Variants in POLA1 observed in about 807,000 individuals in gnomAD.
POLA1 encodes DNA polymerase alpha 1, catalytic subunit.
In POLA1, 15 loss-of-function variants were observed where a neutral mutation model predicts 124.0. The observed-to-expected ratio is 0.12, with a 90% CI of 0.08 to 0.19. The LOEUF (loss-of-function observed/expected upper bound fraction) is 0.19, where lower values mean the gene tolerates loss of function less well. Ranked by LOEUF, POLA1 falls within the 10% of genes least tolerant of loss-of-function variation. POLA1 has a pLI of 1.00. For missense variants in POLA1, 886 were observed against 1,103.4 expected (o/e 0.80, Z 2.79); for synonymous variants, 408 against 389.4 (o/e 1.05, Z -0.56).
chrX:24,725,011 A>G (rs185203733), intron 12 of POLA1, among the ~76,000 whole-genome samples: 175 of 110,953 alleles, frequency 1.6e-3, no homozygotes, highest in Non-Finnish European at 2.0e-3. Context: ...GCTGAAGATA[A>G]GGCTAACAGT....
At chrX:24,811,062 G>A (rs770423463) in intron 28 of POLA1, among the ~76,000 whole-genome samples, 1 of 110,580 alleles carries the variant, frequency 9.0e-6, no homozygotes, top group Non-Finnish European at 1.9e-5. Context: ...TGATCCTCCC[G>A]CCTCAGCCTC....
At chrX:24,694,718 G>C (rs1327718330) in intron 1 of POLA1, among the ~76,000 whole-genome samples, 1 of 112,189 alleles carries the variant, frequency 8.9e-6, no homozygotes, top group African/African-American at 3.2e-5. Flanking sequence ...AGATTTGTCT[G>C]ATTTTTTAAG....
intron 36 of POLA1, among the ~76,000 whole-genome samples, chrX:24,986,729 C>CATAT (rs763067129): frequency 2.0e-4 from 22 of 107,370 alleles, no homozygotes; most frequent in African/African-American, 4.7e-4. Context: ...TGTCTCTTAA[C>CATAT]ATATATATAT....
At chrX:24,743,404 A>G in intron 23 of POLA1, 75 bp downstream of exon 23, 1 of 522,679 alleles carries the variant, frequency 1.9e-6, no homozygotes, top group Non-Finnish European at 3.2e-6. Flanking sequence ...TTGAGAAACT[A>G]GAAGACTGAA....
chrX:24,801,262 G>A (rs1295348768), intron 26 of POLA1, among the ~76,000 whole-genome samples: 1 of 112,228 alleles, frequency 8.9e-6, no homozygotes, highest in African/African-American at 3.2e-5. Context: ...TGTGTACTGT[G>A]TGTGGGCTTA....
chrX:24,765,937 T>C (rs1367968358), intron 26 of POLA1, among the ~76,000 whole-genome samples: 1 of 112,113 alleles, frequency 8.9e-6, no homozygotes. Flanking sequence ...ACTTAATTTA[T>C]GTGGATGGTA....
At chrX:24,783,659 A>T (rs948227518) in intron 26 of POLA1, among the ~76,000 whole-genome samples, 12 of 111,861 alleles carry the variant, frequency 1.1e-4, no homozygotes, top group African/African-American at 3.9e-4. Flanking sequence ...TTTTAAGCTA[A>T]TAAAAATACC....
At chrX:24,770,382 A>G (rs1298379116) in intron 26 of POLA1, among the ~76,000 whole-genome samples, 2 of 112,048 alleles carry the variant, frequency 1.8e-5, no homozygotes, top group Non-Finnish European at 3.8e-5. Flanking sequence ...TAGAGATTAC[A>G]GAATGATGCC....
chrX:24,951,337 C>A (rs2048038838), intron 36 of POLA1, among the ~76,000 whole-genome samples: 1 of 66,903 alleles, frequency 1.5e-5, no homozygotes, highest in Non-Finnish European at 2.7e-5. Flanking sequence ...CTTTAAACAC[C>A]TCCCTACCCC....
At chrX:24,995,608 C>G (rs973670250) in intron 36 of POLA1, among the ~76,000 whole-genome samples, 197 bp from the exon 37 acceptor site, 50 of 111,512 alleles carry the variant, frequency 4.5e-4, no homozygotes, top group African/African-American at 1.6e-3. Context: ...TGCTGAGAGG[C>G]GGACAGACAG....
intron 35 of POLA1, among the ~76,000 whole-genome samples, chrX:24,911,697 C>T (rs1276975754): frequency 9.0e-6 from 1 of 111,141 alleles, no homozygotes; most frequent in African/African-American, 3.3e-5. Flanking sequence ...AATTGATAAG[C>T]CTCTAGCAAG....
intron 36 of POLA1, among the ~76,000 whole-genome samples, chrX:24,966,680 G>A (rs12832461): frequency 1.8e-5 from 2 of 111,649 alleles, no homozygotes; most frequent in Non-Finnish European, 3.8e-5. Flanking sequence ...AATACACTTA[G>A]GGTGCTCTTC....
At chrX:24,739,585 T>G in intron 20 of POLA1, 35 bp downstream of exon 20, 1 of 959,119 alleles carries the variant, frequency 1.0e-6, no homozygotes, top group Non-Finnish European at 1.5e-6. Flanking sequence ...TCATCTGTCT[T>G]GAAATTAACA....
chrX:24,836,067 C>A (rs1353396681), intron 32 of POLA1, among the ~76,000 whole-genome samples: 1 of 111,720 alleles, frequency 9.0e-6, no homozygotes, highest in Non-Finnish European at 1.9e-5. Flanking sequence ...AGAAATGATC[C>A]TCTACATACC....
At chrX:24,772,231 T>C (rs1254723638) in intron 26 of POLA1, among the ~76,000 whole-genome samples, 1 of 111,968 alleles carries the variant, frequency 8.9e-6, no homozygotes, top group African/African-American at 3.2e-5. Context: ...AAACATCTTC[T>C]ACATGAATCC....
At chrX:24,968,991 G>A (rs2048265001) in intron 36 of POLA1, among the ~76,000 whole-genome samples, 1 of 111,004 alleles carries the variant, frequency 9.0e-6, no homozygotes, top group African/African-American at 3.3e-5. Flanking sequence ...GGCATATCAC[G>A]AGGTCAGGAG....
intron 30 of POLA1, 62 bp from the exon 31 acceptor site, chrX:24,821,390 T>G: frequency 1.1e-6 from 1 of 921,856 alleles, no homozygotes; most frequent in Non-Finnish European, 1.5e-6. Context: ...ATGTTTTTAG[T>G]GTATATCTGT....
At chrX:24,819,308 A>G (rs1351659164) in intron 30 of POLA1, among the ~76,000 whole-genome samples, 1 of 112,302 alleles carries the variant, frequency 8.9e-6, no homozygotes, top group African/African-American at 3.2e-5. Flanking sequence ...AAAGTTTTCT[A>G]AAATTCTAAT....
intron 36 of POLA1, among the ~76,000 whole-genome samples, chrX:24,940,031 T>C (rs1034385552): frequency 5.4e-5 from 6 of 111,904 alleles, no homozygotes; most frequent in African/African-American, 1.9e-4. Context: ...GAAGGTGTTT[T>C]TCCAGTTTGT....
Sources: gnomAD v4.1 joint callset for allele counts (sites outside exome capture counted in the v4.1 genomes callset) on GRCh38, gnomAD v4.1.1 for gene constraint, MANE v1.5 for transcripts, NCBI Gene and HGNC (gene_info 2026-07-23, HGNC 2026-07-21) for gene names.